The following MDGA2 variants were observed in gnomAD, a reference collection of about 807,000 sequenced individuals.
MDGA2 encodes the protein MAM domain-containing glycosylphosphatidylinositol anchor protein 2.
A neutral mutation model predicts 117.8 loss-of-function variants in MDGA2; 40 were observed. That is an observed-to-expected ratio of 0.34 (90% CI 0.26 to 0.44). MDGA2 has a LOEUF of 0.44. Among genes scored for constraint, MDGA2 ranks in the 20% least tolerant of loss-of-function variants. The pLI is 1.00. For missense variants in MDGA2, 1,123 were observed against 1,250.6 expected, an observed-to-expected ratio of 0.90 and a Z score of 1.54; for synonymous variants, 452 against 439.0, an observed-to-expected ratio of 1.03 and a Z score of -0.37.
At chr14:47,477,943 TA>T (rs1287807254) in intron 1 of MDGA2, among the ~76,000 whole-genome samples, 1 of 152,174 alleles carries the variant, frequency 6.6e-6, no homozygotes, top group Non-Finnish European at 1.5e-5. Context: ...AGCTAATTAG[TA>T]AAAGAACTCA....
At position 47,253,125 on chromosome 14, in the gene MDGA2, C is replaced by T. The variant is rs566601501; in HGVS notation, c.421-34930G>A. ...CCATGACATGTGAGGATTATGGAAA[C>T]TACAATTCAAGATGAGATTTGAGTG... On this transcript the variant is annotated intron_variant, in intron 2 of 16. Coordinates refer to ENST00000399232, the MANE Select transcript of MDGA2 (RefSeq NM_001113498.3). 2.2e-4 allele frequency among the ~76,000 whole-genome samples: 34 copies of T among 152,254 alleles called. No homozygotes were observed. In the South Asian group the frequency reaches 6.6e-3, roughly 30 times the overall value.
rs534433723 is a variant in MDGA2 at position 47,185,331 on chromosome 14, C to A, written c.595+32690G>T. Among the ~76,000 whole-genome samples, 14 of 151,484 alleles carry A rather than the reference C, an allele frequency of 9.2e-5. No individual in the cohort carries two copies. In the South Asian group the frequency reaches 2.5e-3, roughly 27 times the overall value. ...GAAAAACTATATGCCAGGTGGTGTT[C>A]TTTAATCACTTAACATGTATTATCT... On this transcript the variant is annotated intron_variant, in intron 3 of 16. Transcript: ENST00000399232.
chr14:46,915,906 G>A lies in MDGA2; in HGVS notation c.2238+4106C>T, dbSNP rs532173994. On this transcript the variant is annotated intron_variant, in intron 10 of 16. Coordinates refer to ENST00000399232, the MANE Select transcript of MDGA2 (RefSeq NM_001113498.3). ...GCTTGTATTAAGGAGGAGCTCACAG[G>A]ATCTTGGTATCTGCTTCTCTGGGTA... Among the ~76,000 whole-genome samples, 24 of 152,268 alleles carry A rather than the reference G, an allele frequency of 1.6e-4. 1 individual carries two copies. Among genetic ancestry groups the A allele is most frequent in the African/African-American group, 4.8e-4 (20 of 41,554 alleles).
intron 3 of MDGA2, among the ~76,000 whole-genome samples, chr14:47,163,657 T>C (rs1172856380): frequency 6.6e-6 from 1 of 152,184 alleles, no homozygotes; most frequent in East Asian, 1.9e-4. Flanking sequence ...GGTATATCTT[T>C]ATCAGCAGCA....
In MDGA2 at chr14:46,845,863, A is replaced by T; in HGVS notation, c.2892T>A (p.Phe964Leu). Residue 964 changes from phenylalanine (F) to leucine (L), a missense_variant, in exon 16 of 17, where the codon TTT becomes TTA. Phe to Leu is a conservative substitution (Grantham distance 22). Transcript: ENST00000399232. ...CTATTCCAGGACCTCGGATACCTTC[A>T]AAAATGAGCTACAAATATGAATGAA... The part of the protein sequence containing the change: ...IYPITSFQLI[F>L]EGIRGPGIEG... The T allele has an allele frequency of 6.2e-7, 1 of 1,610,588 alleles. No homozygotes were observed. The highest frequency in any genetic ancestry group is 8.5e-7 in the Non-Finnish European group (1 of 1,177,096).
At chr14:46,958,434 T>C (rs532168908) in intron 8 of MDGA2, among the ~76,000 whole-genome samples, 34 of 152,214 alleles carry the variant, frequency 2.2e-4, no homozygotes, top group Non-Finnish European at 4.9e-4. Flanking sequence ...TGAGGAGGTC[T>C]TCTAAAATTT....
At chr14:47,474,465 G>C (rs956320310) in intron 1 of MDGA2, among the ~76,000 whole-genome samples, 1 of 151,088 alleles carries the variant, frequency 6.6e-6, no homozygotes, top group South Asian at 2.1e-4. Flanking sequence ...ATTCTTCCCA[G>C]AATTAGAAAA....
At chr14:47,502,133 A>C (rs1266449185) in intron 1 of MDGA2, among the ~76,000 whole-genome samples, 1 of 152,088 alleles carries the variant, frequency 6.6e-6, no homozygotes, top group African/African-American at 2.4e-5. Context: ...AAAAAGACAA[A>C]ATAGCTGGGC....
At chr14:47,471,570 T>C (rs1221847636) in intron 1 of MDGA2, among the ~76,000 whole-genome samples, 1 of 152,148 alleles carries the variant, frequency 6.6e-6, no homozygotes, top group East Asian at 1.9e-4. Context: ...ATGCTTTCTA[T>C]TTTTAATTTA....
At chr14:47,648,038 C>T (rs1897569657) in intron 1 of MDGA2, among the ~76,000 whole-genome samples, 1 of 152,066 alleles carries the variant, frequency 6.6e-6, no homozygotes, top group Non-Finnish European at 1.5e-5. Context: ...CAACAATAAA[C>T]TATGACTAAC....
At chr14:47,172,416 C>A (rs1884196402) in intron 3 of MDGA2, among the ~76,000 whole-genome samples, 1 of 151,770 alleles carries the variant, frequency 6.6e-6, no homozygotes, top group South Asian at 2.1e-4. Flanking sequence ...GGCAGACTGA[C>A]ACCTCACACG....
rs1289293028 is a variant in MDGA2, at chr14:46,842,102, A to C, written c.2990-83T>G. 2.5e-5 allele frequency: 20 copies of C among 784,618 alleles called. No homozygotes were observed. In the East Asian group the frequency reaches 3.2e-4, roughly 12 times the overall value. 48.6% of individuals were successfully genotyped at this position (784,618 alleles called of 1,614,324 possible). Reference sequence around the variant, plus strand: ...AGCTACTAACACAACCTTGGTGAATAATAAAACAAGTATATGGAAAATATT... The same window carrying C: ...AGCTACTAACACAACCTTGGTGAATCATAAAACAAGTATATGGAAAATATT... On this transcript the variant is annotated intron_variant, in intron 16 of 16. Transcript: ENST00000399232.
intron 3 of MDGA2, among the ~76,000 whole-genome samples, chr14:47,206,656 G>A (rs1357728700): frequency 1.3e-5 from 2 of 151,966 alleles, no homozygotes; most frequent in African/African-American, 4.8e-5. Context: ...TTAGGACGTG[G>A]AAGCTGGAGG....
intron 2 of MDGA2, among the ~76,000 whole-genome samples, chr14:47,295,793 A>G (rs1431670351): frequency 2.0e-5 from 3 of 152,108 alleles, no homozygotes; most frequent in Middle Eastern, 3.4e-3. Context: ...AATCCCAGCT[A>G]CTCAGTAGAC....
intron 3 of MDGA2, among the ~76,000 whole-genome samples, chr14:47,191,669 C>A (rs915366513): frequency 6.6e-6 from 1 of 151,956 alleles, no homozygotes; most frequent in Non-Finnish European, 1.5e-5. Context: ...ATAAATTTTC[C>A]CACTAATAAT....
chr14:47,667,086 G>A (rs1257276820), intron 1 of MDGA2, among the ~76,000 whole-genome samples: 4 of 152,280 alleles, frequency 2.6e-5, no homozygotes, highest in East Asian at 1.9e-4. Flanking sequence ...TGAAGTCAGT[G>A]AAACCAAGAA....
intron 6 of MDGA2, among the ~76,000 whole-genome samples, chr14:47,092,025 A>G (rs902369800): frequency 1.3e-5 from 2 of 152,186 alleles, no homozygotes; most frequent in African/African-American, 4.8e-5. Context: ...AATTACATGT[A>G]TGGGTATATT....
chr14:47,471,406 T>C (rs1227162723), intron 1 of MDGA2, among the ~76,000 whole-genome samples: 1 of 151,986 alleles, frequency 6.6e-6, no homozygotes, highest in Non-Finnish European at 1.5e-5. Context: ...TAGTTACACA[T>C]GTTTTAAAAT....
intron 7 of MDGA2, chr14:47,059,086 G>T (rs1046974372): frequency 3.9e-6 from 4 of 1,024,374 alleles, no homozygotes; most frequent in Non-Finnish European, 4.7e-6. Flanking sequence ...GCAGTAAGAG[G>T]CACAGCAAAT....
Sources: allele counts gnomAD v4.1 joint callset (sites outside exome capture counted in the v4.1 genomes callset), GRCh38; gene constraint gnomAD v4.1.1; transcripts MANE v1.5; gene names NCBI Gene and HGNC (gene_info 2026-07-23, HGNC 2026-07-21).